RAB3C: variants seen among roughly 807,000 people sequenced by gnomAD.
The protein encoded by RAB3C is RAB3C, member RAS oncogene family.
Under a neutral mutation model 26.4 loss-of-function variants are expected in RAB3C, and 17 were observed. That is an observed-to-expected ratio of 0.64 (90% CI 0.44 to 0.97). RAB3C has a LOEUF of 0.97. RAB3C is among the 50% of genes least tolerant of loss of function. RAB3C has a pLI of 0.00. For missense variants in RAB3C, 242 were observed against 281.9 expected (o/e 0.86, Z 1.01); for synonymous variants, 91 against 95.9 (o/e 0.95, Z 0.30).
intron 4 of RAB3C, among the ~76,000 whole-genome samples, chr5:58,848,850 C>T (rs894457592): frequency 3.9e-5 from 6 of 152,090 alleles, no homozygotes; most frequent in Non-Finnish European, 8.8e-5. Flanking sequence ...GGGCTAGATC[C>T]CACATCTTTT....
intron 2 of RAB3C, among the ~76,000 whole-genome samples, chr5:58,721,230 CTG>C (rs749709066): frequency 1.5e-5 from 2 of 133,204 alleles, no homozygotes; most frequent in Non-Finnish European, 3.1e-5. Flanking sequence ...TTTAAGCTAA[CTG>C]AAATAATTTT....
intron 2 of RAB3C, among the ~76,000 whole-genome samples, chr5:58,625,271 T>G (rs570538715): frequency 1.3e-5 from 2 of 152,184 alleles, no homozygotes; most frequent in Non-Finnish European, 2.9e-5. Flanking sequence ...TATTGCTCTT[T>G]ATAAGGTAAG....
chr5:58,627,133 C>T (rs1747069205), intron 2 of RAB3C, among the ~76,000 whole-genome samples: 1 of 152,116 alleles, frequency 6.6e-6, no homozygotes, highest in Non-Finnish European at 1.5e-5. Context: ...AAAATTGATG[C>T]CCTGCCCTAG....
intron 3 of RAB3C, among the ~76,000 whole-genome samples, chr5:58,775,192 T>C (rs1427339026): frequency 1.3e-5 from 2 of 152,126 alleles, no homozygotes; most frequent in African/African-American, 4.8e-5. Flanking sequence ...ATCGCCTCCA[T>C]ACTTTCTGTC....
intron 4 of RAB3C, chr5:58,846,994 T>G (rs1744019846): frequency 6.6e-6 from 1 of 152,026 alleles, no homozygotes; most frequent in Non-Finnish European, 1.5e-5. Flanking sequence ...CCTTTCAGGA[T>G]CAGGCATGAG....
chr5:58,610,194 CTG>C (rs1168785442), intron 1 of RAB3C, among the ~76,000 whole-genome samples: 1,784 of 143,466 alleles, frequency 0.012, 35 homozygotes, highest in African/African-American at 0.042. Context: ...TTTTGTTTTT[CTG>C]TGTGTGTGTG....
At chr5:58,811,999 A>T (rs954850855) in intron 3 of RAB3C, among the ~76,000 whole-genome samples, 1 of 152,162 alleles carries the variant, frequency 6.6e-6, no homozygotes, top group African/African-American at 2.4e-5. Flanking sequence ...TTAAAGACTC[A>T]TGATTTTTTT....
At chr5:58,817,914 C>T (rs1743251668) in intron 3 of RAB3C, among the ~76,000 whole-genome samples, 1 of 152,074 alleles carries the variant, frequency 6.6e-6, no homozygotes, top group African/African-American at 2.4e-5. Flanking sequence ...TACTAAAAAG[C>T]CAAAGCTCCC....
chr5:58,587,995 T>C (rs1746047583), intron 1 of RAB3C, among the ~76,000 whole-genome samples: 1 of 152,224 alleles, frequency 6.6e-6, no homozygotes, highest in Admixed American at 6.5e-5. Flanking sequence ...TTCAGCATAA[T>C]GTGTATGAGA....
chr5:58,755,435 T>C (rs903193482), intron 3 of RAB3C, among the ~76,000 whole-genome samples: 2 of 152,216 alleles, frequency 1.3e-5, no homozygotes, highest in African/African-American at 4.8e-5. Flanking sequence ...TTGGGTACCA[T>C]TATAAACTGT....
intron 2 of RAB3C, among the ~76,000 whole-genome samples, chr5:58,630,529 G>A (rs1747166106): frequency 1.3e-5 from 2 of 152,236 alleles, no homozygotes; most frequent in South Asian, 2.1e-4. Flanking sequence ...AGTGAGAAAA[G>A]TGGCATTTAA....
intron 1 of RAB3C, among the ~76,000 whole-genome samples, chr5:58,607,879 T>C (rs929728030): frequency 6.6e-6 from 1 of 151,966 alleles, no homozygotes; most frequent in African/African-American, 2.4e-5. Context: ...GACAAGCAAA[T>C]GCTGAGAGAT....
intron 2 of RAB3C, among the ~76,000 whole-genome samples, chr5:58,653,815 G>A (rs1037329391): frequency 6.6e-6 from 1 of 152,174 alleles, no homozygotes; most frequent in Non-Finnish European, 1.5e-5. Flanking sequence ...TGAGCTGATA[G>A]TTGAAGTCAT....
chr5:58,657,662 T>G (rs1449757289), intron 2 of RAB3C, among the ~76,000 whole-genome samples: 1 of 152,148 alleles, frequency 6.6e-6, no homozygotes, highest in East Asian at 1.9e-4. Flanking sequence ...ATAGGCCTTA[T>G]ATATAGGCTG....
At chr5:58,660,670 T>C (rs1205617281) in intron 2 of RAB3C, among the ~76,000 whole-genome samples, 1 of 150,414 alleles carries the variant, frequency 6.6e-6, no homozygotes, top group Non-Finnish European at 1.5e-5. Flanking sequence ...GATTAGTGAC[T>C]TAAAGGAATA....
chr5:58,583,328 A>G, intron 1 of RAB3C, 96 bp downstream of exon 1: 3 of 1,586,910 alleles, frequency 1.9e-6, no homozygotes. Context: ...GGAAAGGTCT[A>G]GGCGGTCACC....
At chr5:58,740,595 G>A (rs1208255524) in intron 3 of RAB3C, among the ~76,000 whole-genome samples, 2 of 152,330 alleles carry the variant, frequency 1.3e-5, no homozygotes, top group South Asian at 4.1e-4. Context: ...GCTGAGGTGG[G>A]TGGATCACGA....
intron 2 of RAB3C, among the ~76,000 whole-genome samples, chr5:58,647,103 G>A (rs1452769326): frequency 6.6e-6 from 1 of 152,086 alleles, no homozygotes; most frequent in Non-Finnish European, 1.5e-5. Flanking sequence ...ACTGGATAAG[G>A]CACTTAAGCC....
chr5:58,771,289 A>C (rs930181339), intron 3 of RAB3C, among the ~76,000 whole-genome samples: 2 of 152,182 alleles, frequency 1.3e-5, no homozygotes, highest in African/African-American at 4.8e-5. Context: ...ATGGGTATAC[A>C]TATGTAAGAA....
Sources: gnomAD v4.1 joint callset for allele counts (sites outside exome capture counted in the v4.1 genomes callset) on GRCh38, gnomAD v4.1.1 for gene constraint, MANE v1.5 for transcripts, NCBI Gene and HGNC (gene_info 2026-07-23, HGNC 2026-07-21) for gene names.